TESK2: variants seen among roughly 807,000 people sequenced by gnomAD.
TESK2 encodes the protein testis associated actin remodelling kinase 2, also known as dual specificity testis-specific protein kinase 2.
In TESK2, 39 loss-of-function variants were observed where a neutral mutation model predicts 57.1. That is an observed-to-expected ratio of 0.68 (90% CI 0.53 to 0.89). TESK2 has a LOEUF of 0.89. TESK2 is among the 40% of genes least tolerant of loss of function. The probability of loss-of-function intolerance (pLI) is 0.00; values close to 1 mark genes in which losing one functional copy is unlikely to be tolerated. For synonymous variants in TESK2, 249 were observed against 267.9 expected, an observed-to-expected ratio of 0.93 and a Z score of 0.69; for missense variants, 646 against 732.1, an observed-to-expected ratio of 0.88 and a Z score of 1.36.
chr1:45,369,550 C>T (rs999822569), intron 4 of TESK2, among the ~76,000 whole-genome samples: 2 of 151,564 alleles, frequency 1.3e-5, no homozygotes, highest in Admixed American at 6.6e-5. Context: ...AACAAAGGTA[C>T]AAAAATTCTA....
chr1:45,437,058 G>A (rs1651262106), intron 2 of TESK2, among the ~76,000 whole-genome samples: 5 of 152,160 alleles, frequency 3.3e-5, no homozygotes, highest in Admixed American at 6.5e-5. Flanking sequence ...GCCTCCCAAA[G>A]TGCTGGGATT....
At chr1:45,447,017 A>C (rs1476614841) in intron 2 of TESK2, among the ~76,000 whole-genome samples, 2 of 152,338 alleles carry the variant, frequency 1.3e-5, no homozygotes, top group Middle Eastern at 3.4e-3. Context: ...CAGGAGTTAG[A>C]GACCAGCCTG....
chr1:45,478,241 A>C (rs1455434494), intron 1 of TESK2, among the ~76,000 whole-genome samples: 1 of 151,640 alleles, frequency 6.6e-6, no homozygotes, highest in East Asian at 1.9e-4. Flanking sequence ...CTTCCACATG[A>C]CTCTCTCAGT....
intron 1 of TESK2, among the ~76,000 whole-genome samples, chr1:45,481,811 A>T (rs1653236019): frequency 6.6e-6 from 1 of 152,246 alleles, no homozygotes; most frequent in Admixed American, 6.5e-5. Flanking sequence ...AGATATATAC[A>T]AATCTATTAT....
At chr1:45,430,009 A>G (rs1650884754) in intron 2 of TESK2, among the ~76,000 whole-genome samples, 1 of 152,140 alleles carries the variant, frequency 6.6e-6, no homozygotes, top group Non-Finnish European at 1.5e-5. Flanking sequence ...ATTTTAGGAA[A>G]TGAAGAGTTG....
At chr1:45,398,846 C>T in intron 3 of TESK2, 1 of 398,282 alleles carries the variant, frequency 2.5e-6, no homozygotes, top group South Asian at 1.9e-5. Flanking sequence ...TCCATAAAAC[C>T]TCAACACTAT....
intron 6 of TESK2, 82 bp downstream of exon 6, chr1:45,347,836 G>T: frequency 1.4e-6 from 2 of 1,432,164 alleles, no homozygotes; most frequent in Non-Finnish European, 2.0e-6. Flanking sequence ...ACCAAGTCCT[G>T]GCCTCTGGGG....
At chr1:45,349,960 G>T (rs1647208106) in intron 5 of TESK2, among the ~76,000 whole-genome samples, 1 of 152,118 alleles carries the variant, frequency 6.6e-6, no homozygotes, top group African/African-American at 2.4e-5. Context: ...TGGCCAACAT[G>T]GTGAAACCCT....
At chr1:45,404,952 C>G (rs187282449) in intron 3 of TESK2, among the ~76,000 whole-genome samples, 1 of 152,180 alleles carries the variant, frequency 6.6e-6, no homozygotes, top group East Asian at 1.9e-4. Flanking sequence ...AAACTTTAAG[C>G]TATACAGCCT....
intron 3 of TESK2, among the ~76,000 whole-genome samples, chr1:45,405,764 G>A (rs566112165): frequency 5.9e-5 from 9 of 151,636 alleles, no homozygotes; most frequent in South Asian, 4.2e-4. Flanking sequence ...CCTGCTACTC[G>A]GGAGGCTGAG....
At chr1:45,348,533 A>C (rs1167306628) in intron 5 of TESK2, among the ~76,000 whole-genome samples, 1 of 152,200 alleles carries the variant, frequency 6.6e-6, no homozygotes, top group Non-Finnish European at 1.5e-5. Flanking sequence ...GGCTTTATCC[A>C]ACTGGCCTAG....
chr1:45,463,137 C>A (rs528149202), intron 1 of TESK2, among the ~76,000 whole-genome samples: 1 of 152,168 alleles, frequency 6.6e-6, no homozygotes, highest in Non-Finnish European at 1.5e-5. Flanking sequence ...GTTATTAATT[C>A]TTTGTCAGAC....
chr1:45,445,787 C>T (rs1651621628), intron 2 of TESK2, among the ~76,000 whole-genome samples: 1 of 151,782 alleles, frequency 6.6e-6, no homozygotes, highest in Non-Finnish European at 1.5e-5. Flanking sequence ...AGAGCAAGAC[C>T]CTGTCTCCAA....
At position 45,345,423 on chromosome 1, in the gene TESK2, C is replaced by T. The variant is rs370236224; in HGVS notation, c.1133G>A (p.Arg378His). ...QSDIFSRKPPRTVSVLDPYYR... is the reference protein window; with the variant it reads ...QSDIFSRKPPHTVSVLDPYYR... ...GTATGGGTCCAAGACACTCACTGTACGTGGGGGCTTACGGGAAAAGATATC... is the reference window on the plus strand; with the variant it reads ...GTATGGGTCCAAGACACTCACTGTATGTGGGGGCTTACGGGAAAAGATATC... The change falls in exon 11 of 11, where the codon CGT (arginine) becomes CAT (histidine). Residue 378 changes from arginine to histidine, a missense_variant. Arg to His is a conservative substitution (Grantham distance 29). Transcript: ENST00000372086. 33 of 1,614,082 alleles carry T rather than the reference C, an allele frequency of 2.0e-5. No individual in the cohort carries two copies. In the African/African-American group the frequency reaches 2.8e-4, roughly 14 times the overall value.
intron 4 of TESK2, among the ~76,000 whole-genome samples, chr1:45,381,204 T>C (rs1648636674): frequency 6.6e-6 from 1 of 152,192 alleles, no homozygotes; most frequent in Non-Finnish European, 1.5e-5. Flanking sequence ...TACTCTCCAA[T>C]GGGGCAGAAA....
chr1:45,395,609 C>CTTTTCTT (rs1376049395), intron 3 of TESK2, among the ~76,000 whole-genome samples: 43 of 132,568 alleles, frequency 3.2e-4, no homozygotes, highest in African/African-American at 1.1e-3. Flanking sequence ...CTTTTCTTTT[C>CTTTTCTT]TTTTTTTTTT....
chr1:45,437,776 T>C (rs1651291952), intron 2 of TESK2, among the ~76,000 whole-genome samples: 1 of 152,212 alleles, frequency 6.6e-6, no homozygotes, highest in Non-Finnish European at 1.5e-5. Context: ...TTTTATAAAA[T>C]ACTTTTTCTA....
chr1:45,355,300 T>C lies in TESK2; in HGVS notation c.540+3A>G. On this transcript the variant is annotated splice_donor_region_variant and intron_variant, in intron 5 of 10. Coordinates refer to ENST00000372086, the MANE Select transcript of TESK2 (RefSeq NM_007170.3). ...ATGAGTTGTGAGAGTAAAGCCTTCATACCTTAGATGTGAGGTCCCGATGAA... is the reference window on the plus strand; with the variant it reads ...ATGAGTTGTGAGAGTAAAGCCTTCACACCTTAGATGTGAGGTCCCGATGAA... 1.2e-6 allele frequency: 2 copies of C among 1,613,940 alleles called. No homozygotes were observed. The highest frequency in any genetic ancestry group is 8.5e-7 in the Non-Finnish European group (1 of 1,179,954).
At chr1:45,407,268 C>T (rs930289085) in intron 3 of TESK2, among the ~76,000 whole-genome samples, 2 of 151,394 alleles carry the variant, frequency 1.3e-5, no homozygotes, top group African/African-American at 2.4e-5. Context: ...TTTTTTTAAT[C>T]TTTTGCTGAG....
Sources: allele counts gnomAD v4.1 joint callset (sites outside exome capture counted in the v4.1 genomes callset), GRCh38; gene constraint gnomAD v4.1.1; transcripts MANE v1.5; gene names NCBI Gene and HGNC (gene_info 2026-07-23, HGNC 2026-07-21).